The following ARHGAP24 variants were observed in gnomAD, a reference collection of about 807,000 sequenced individuals.
ARHGAP24 encodes the protein Rho GTPase activating protein 24.
ARHGAP24 carries 50 observed loss-of-function variants against 76.4 expected under a neutral mutation model. That is an observed-to-expected ratio of 0.65 (90% CI 0.52 to 0.83). The LOEUF is 0.83. Among genes scored for constraint, ARHGAP24 ranks in the 40% least tolerant of loss-of-function variants. The pLI is 0.00. For synonymous variants in ARHGAP24, 345 were observed against 323.3 expected (o/e 1.07, Z -0.72); for missense variants, 930 against 914.2 (o/e 1.02, Z -0.22).
At chr4:85,707,136 C>T (rs1248765447) in intron 2 of ARHGAP24, among the ~76,000 whole-genome samples, 1 of 152,132 alleles carries the variant, frequency 6.6e-6, no homozygotes. Context: ...TTGCTGTTAC[C>T]TCCTGGTGCC....
intron 2 of ARHGAP24, among the ~76,000 whole-genome samples, chr4:85,651,571 T>G (rs1207654617): frequency 6.7e-6 from 1 of 148,690 alleles, no homozygotes; most frequent in African/African-American, 2.6e-5. Flanking sequence ...TTAATAATTT[T>G]AAAGGTAATT....
Position 85,593,050 on chromosome 4 carries a change from G to A in ARHGAP24, c.180+22329G>A, listed in dbSNP as rs181129909. 5.9e-5 allele frequency among the ~76,000 whole-genome samples: 9 copies of A among 152,164 alleles called. No individual in the cohort carries two copies. In the East Asian group the frequency reaches 1.7e-3, roughly 29 times the overall value. On this transcript the variant is annotated intron_variant, in intron 2 of 9. Transcript: ENST00000395184. ...CTCCAAACTGTTCTCCATAGTGATT[G>A]TACTAATTTACATTCCCACCAATGG...
chr4:85,703,881 T>C (rs1253044854), intron 2 of ARHGAP24, among the ~76,000 whole-genome samples: 3 of 152,160 alleles, frequency 2.0e-5, no homozygotes, highest in Non-Finnish European at 2.9e-5. Context: ...AATCAAACTA[T>C]AGAACAGTTA....
chr4:85,972,163 G>T lies in ARHGAP24; in HGVS notation c.727G>T (p.Glu243Ter). 6.2e-7 allele frequency: 1 copy of T among 1,613,520 alleles called. No homozygotes were observed. The highest frequency in any genetic ancestry group is 8.5e-7 in the Non-Finnish European group (1 of 1,179,948). ...SCAKLLSKEEEAGVKELAKQV... is the reference protein window; with the variant it reads ...SCAKLLSKEE The stretch of plus-strand genomic sequence containing the variant: ...TGCCAAACTGCTCAGCAAGGAAGAG[G>T]AAGCAGTAAGTTGATGCATTTATTT... Residue 243 changes from glutamate to a stop codon, truncating the protein, a stop_gained, in exon 6 of 10, where the codon GAA (glutamate) becomes TAA (stop). Transcript: ENST00000395184. LOFTEE classifies it high-confidence loss of function.
chr4:85,910,958 G>A (rs1479000928), intron 3 of ARHGAP24, among the ~76,000 whole-genome samples: 1 of 152,122 alleles, frequency 6.6e-6, no homozygotes, highest in Non-Finnish European at 1.5e-5. Flanking sequence ...ATGGTGCCCT[G>A]CTCCACCCTG....
intron 5 of ARHGAP24, among the ~76,000 whole-genome samples, chr4:85,962,134 G>A (rs946351541): frequency 4.6e-5 from 7 of 152,140 alleles, no homozygotes; most frequent in African/African-American, 7.2e-5. Flanking sequence ...CCCTAGGTCC[G>A]ACTGAAGCAA....
chr4:85,834,408 C>T (rs1730158188), intron 3 of ARHGAP24, among the ~76,000 whole-genome samples: 1 of 152,102 alleles, frequency 6.6e-6, no homozygotes, highest in Non-Finnish European at 1.5e-5. Flanking sequence ...TTTAAAACAC[C>T]TCCAAGACAT....
intron 2 of ARHGAP24, among the ~76,000 whole-genome samples, chr4:85,614,375 T>G (rs1720483524): frequency 6.6e-6 from 1 of 152,056 alleles, no homozygotes; most frequent in East Asian, 1.9e-4. Context: ...GAGAATTAAA[T>G]TTTAATAAAT....
chr4:85,902,314 A>C (rs1203680597), intron 3 of ARHGAP24, among the ~76,000 whole-genome samples: 1 of 152,216 alleles, frequency 6.6e-6, no homozygotes, highest in Admixed American at 6.5e-5. Context: ...GATAGGGCGC[A>C]GACTAACAAC....
chr4:85,937,932 G>A (rs1736740426), intron 4 of ARHGAP24, among the ~76,000 whole-genome samples: 1 of 152,118 alleles, frequency 6.6e-6, no homozygotes, highest in Non-Finnish European at 1.5e-5. Flanking sequence ...AGTCTAAGAA[G>A]GTTTAGATTC....
intron 1 of ARHGAP24, among the ~76,000 whole-genome samples, chr4:85,490,557 G>A (rs369571034): frequency 6.6e-6 from 1 of 151,906 alleles, no homozygotes; most frequent in Non-Finnish European, 1.5e-5. Flanking sequence ...TCTGAATTTC[G>A]TGCCATAATT....
chr4:85,932,913 C>G (rs1736425796), intron 4 of ARHGAP24, among the ~76,000 whole-genome samples: 1 of 152,122 alleles, frequency 6.6e-6, no homozygotes, highest in Admixed American at 6.6e-5. Flanking sequence ...GCAGCCCCAA[C>G]CCGCCGCCAC....
intron 2 of ARHGAP24, among the ~76,000 whole-genome samples, chr4:85,615,050 T>G (rs1720502876): frequency 6.6e-6 from 1 of 152,042 alleles, no homozygotes; most frequent in African/African-American, 2.4e-5. Flanking sequence ...GACATTACAG[T>G]TTTTCTCAAG....
At position 85,755,626 on chromosome 4, in the gene ARHGAP24, G is replaced by GTTTTTTTTTTTTTTT. The variant is rs111410344; in HGVS notation, c.268+33658_268+33659insTTTTTTTTTTTTTTT. ...TTCTATGGGAAGCTTCTATTCTTTT[G>GTTTTTTTTTTTTTTT]TTTTGTTTTGTTTTGTTTTGTTTTG... On this transcript the variant is annotated intron_variant, in intron 3 of 9. Transcript: ENST00000395184. Among the ~76,000 whole-genome samples, 14 of 117,360 alleles carry GTTTTTTTTTTTTTTT rather than the reference G, an allele frequency of 1.2e-4. 3 individuals carry two copies. The highest frequency in any genetic ancestry group is 2.9e-4 in the South Asian group (1 of 3,428). The allele number at this position is 117,360 out of a possible 152,430, so 77.0% of individuals were successfully genotyped here. A position where few individuals can be genotyped will look rare whatever the true frequency, so the allele number is the denominator to read the frequency against.
At chr4:85,544,516 G>C (rs1182023909) in intron 1 of ARHGAP24, among the ~76,000 whole-genome samples, 1 of 152,092 alleles carries the variant, frequency 6.6e-6, no homozygotes, top group African/African-American at 2.4e-5. Flanking sequence ...ATCAAAAAAT[G>C]TACATTCATG....
At chr4:85,907,586 TACATATGTG>T (rs1297351395) in intron 3 of ARHGAP24, among the ~76,000 whole-genome samples, 2 of 149,070 alleles carry the variant, frequency 1.3e-5, no homozygotes, top group Non-Finnish European at 3.0e-5. Context: ...TGTATGTGTG[TACATATGTG>T]CTTGTCTGCA....
chr4:85,487,730 T>C (rs1453614048), intron 1 of ARHGAP24, among the ~76,000 whole-genome samples: 2 of 103,128 alleles, frequency 1.9e-5, no homozygotes, highest in Non-Finnish European at 3.4e-5. Flanking sequence ...ATATTTATAT[T>C]ATATATTATA....
At chr4:85,903,725 A>T (rs1381885686) in intron 3 of ARHGAP24, among the ~76,000 whole-genome samples, 2 of 152,146 alleles carry the variant, frequency 1.3e-5, no homozygotes, top group African/African-American at 2.4e-5. Flanking sequence ...AATTGGACCC[A>T]GACACCCCAA....
chr4:85,509,133 G>C (rs979886975), intron 1 of ARHGAP24, among the ~76,000 whole-genome samples: 1 of 145,070 alleles, frequency 6.9e-6, no homozygotes, highest in African/African-American at 2.6e-5. Flanking sequence ...CTCATAGGTG[G>C]GAATTGAACA....
Sources: gnomAD v4.1 joint callset for allele counts (sites outside exome capture counted in the v4.1 genomes callset) on GRCh38, gnomAD v4.1.1 for gene constraint, MANE v1.5 for transcripts, NCBI Gene and HGNC (gene_info 2026-07-23, HGNC 2026-07-21) for gene names.